The following FAM149A variants were observed in gnomAD, a reference collection of about 807,000 sequenced individuals.
FAM149A encodes protein FAM149A.
Under a neutral mutation model 78.2 loss-of-function variants are expected in FAM149A, and 71 were observed. The observed-to-expected ratio is 0.91, with a 90% CI of 0.75 to 1.11. FAM149A has a LOEUF of 1.11. Among genes scored for constraint, FAM149A ranks in the 50% least tolerant of loss-of-function variants. The pLI, the probability that FAM149A is intolerant of heterozygous loss-of-function variation, is 0.00. For missense variants in FAM149A, 1,036 were observed against 971.0 expected (o/e 1.07, Z -0.89); for synonymous variants, 446 against 410.5 (o/e 1.09, Z -1.04).
chr4:186,154,762 T>G lies in FAM149A; in HGVS notation c.1229+124T>G. On this transcript the variant is annotated intron_variant, in intron 6 of 13. Transcript: ENST00000389354. ...TACTCACCCAAAAGATTTCTGTTCTTTTGAGAGTAATGTACTCCCCAGAGC... is the reference window on the plus strand; with the variant it reads ...TACTCACCCAAAAGATTTCTGTTCTGTTGAGAGTAATGTACTCCCCAGAGC... 3 of 1,437,024 alleles carry G rather than the reference T, an allele frequency of 2.1e-6. No homozygotes were observed. The South Asian group carries it at 4.6e-5, about 22-fold the overall frequency. 89.0% of individuals were successfully genotyped at this position (1,437,024 alleles called of 1,614,324 possible).
chr4:186,164,625 T>A lies in FAM149A; in HGVS notation c.1890-719T>A, dbSNP rs369786688. The A allele has an allele frequency of 7.6e-5, 26 of 339,898 alleles. No individual in the cohort carries two copies. The East Asian group carries it at 1.3e-3, about 17-fold the overall frequency. 21.1% of individuals were successfully genotyped at this position (339,898 alleles called of 1,614,324 possible). A position where few individuals can be genotyped will look rare whatever the true frequency, so the allele number is the denominator to read the frequency against. ...ATCCCTCTCCCTCCTCCGCCTCGCTTCCCCCCATGCCAGTCAGCAGCACAC... is the reference window on the plus strand; with the variant it reads ...ATCCCTCTCCCTCCTCCGCCTCGCTACCCCCCATGCCAGTCAGCAGCACAC... On this transcript the variant is annotated intron_variant, in intron 10 of 13. Transcript: ENST00000389354. This position sits in a 1 kb window ranked among gnomAD's most constrained non-coding sequence, Gnocchi z 4.0.
At chr4:186,125,829 A>T in intron 1 of FAM149A, 2 of 985,398 alleles carry the variant, frequency 2.0e-6, no homozygotes, top group South Asian at 4.7e-5. Flanking sequence ...CCAAAAAGAA[A>T]TACGAGGTAG....
In FAM149A at chr4:186,105,192, C is replaced by CG. The variant is rs2099308265; in HGVS notation, c.122dup (p.Ser42LeufsTer59). 1.6e-6 allele frequency: 2 copies of CG among 1,272,528 alleles called. No homozygotes were observed. Among genetic ancestry groups the CG allele is most frequent in the African/African-American group, 3.2e-5 (2 of 63,098 alleles). 78.8% of individuals were successfully genotyped at this position (1,272,528 alleles called of 1,614,324 possible). A position where few individuals can be genotyped will look rare whatever the true frequency, so the allele number is the denominator to read the frequency against. On this transcript the variant is annotated frameshift_variant, in exon 1 of 14. Coordinates refer to ENST00000389354, the MANE Select transcript of FAM149A (RefSeq NM_001367768.3). LOFTEE classifies it high-confidence loss of function. Reference sequence around the variant, plus strand: ...TCGGGAGGTGCTGCCGCTGCAGGGTCGGGGGGCTCCAGGGCGGGCACCCCG... The same window carrying CG: ...TCGGGAGGTGCTGCCGCTGCAGGGTCGGGGGGGCTCCAGGGCGGGCACCCCG...
Position 186,110,308 on chromosome 4 carries a change from GT to G in FAM149A, c.566+4668del, listed in dbSNP as rs1246687662. 2.6e-4 allele frequency: 252 copies of G among 982,686 alleles called. 1 individual carries two copies. In the African/African-American group the frequency reaches 4.2e-3, roughly 16 times the overall value. 60.9% of individuals were successfully genotyped at this position (982,686 alleles called of 1,614,324 possible). On this transcript the variant is annotated intron_variant, in intron 1 of 13. Coordinates refer to ENST00000389354, the MANE Select transcript of FAM149A (RefSeq NM_001367768.3). The stretch of plus-strand genomic sequence containing the variant: ...TTTCATCGTCTTGAGTTTTTCCAAA[GT>G]TAGTAATGCTTGCTGCTGGGACTTA...
At chr4:186,128,136 G>A (rs2099319192) in intron 1 of FAM149A, among the ~76,000 whole-genome samples, 1 of 151,480 alleles carries the variant, frequency 6.6e-6, no homozygotes, top group East Asian at 1.9e-4. Context: ...GGTGACAGGT[G>A]CATGCCACCA....
chr4:186,153,582 A>C, intron 4 of FAM149A, 63 bp from the exon 5 acceptor site: 1 of 1,569,384 alleles, frequency 6.4e-7, no homozygotes, highest in Non-Finnish European at 8.7e-7. Flanking sequence ...CTACTTTTAA[A>C]ATCTCCAAAC....
chr4:186,157,614 G>T lies in FAM149A; in HGVS notation c.1470G>T (p.Pro490=), dbSNP rs145828447. ...TGAAAGTGGCTGGAAACAGATTTCC[G>T]CACGTCCTCGTTCCACACGCTCACG... Residue 490 remains proline, a synonymous_variant, in exon 8 of 14, where the codon CCG becomes CCT. Coordinates refer to ENST00000389354, the MANE Select transcript of FAM149A (RefSeq NM_001367768.3). 3 of 1,614,118 alleles carry T rather than the reference G, an allele frequency of 1.9e-6. No individual in the cohort carries two copies. Among genetic ancestry groups the T allele is most frequent in the African/African-American group, 2.7e-5 (2 of 75,056 alleles).
At chr4:186,163,281 G>A in intron 9 of FAM149A, 143 bp from the exon 10 acceptor site, 1 of 649,516 alleles carries the variant, frequency 1.5e-6, no homozygotes, top group Non-Finnish European at 2.7e-6. Context: ...GAAATGATGG[G>A]TCTTTTCATT....
chr4:186,110,009 A>G (rs1355420258), intron 1 of FAM149A: 1 of 985,458 alleles, frequency 1.0e-6, no homozygotes, highest in Non-Finnish European at 1.2e-6. Context: ...AGCATCACAA[A>G]TCATACATTT....
chr4:186,129,196 CAT>C (rs1491408760), intron 1 of FAM149A, among the ~76,000 whole-genome samples: 4 of 150,664 alleles, frequency 2.7e-5, no homozygotes, highest in Non-Finnish European at 4.4e-5. Flanking sequence ...TATGAGTGTG[CAT>C]GTGTGTGTGT....
At chr4:186,158,460 A>T in intron 8 of FAM149A, 1 of 1,134,700 alleles carries the variant, frequency 8.8e-7, no homozygotes, top group South Asian at 2.1e-5. Flanking sequence ...AGGAACACCC[A>T]TGGGAGTCCA....
In FAM149A at chr4:186,133,080, TC is replaced by T. The variant is rs2099321427; in HGVS notation, c.567-16090del. On this transcript the variant is annotated intron_variant, in intron 1 of 13. Transcript: ENST00000389354. The stretch of plus-strand genomic sequence containing the variant: ...CTTCTGACTCAACACTGCCCCCTCC[TC>T]CCTAGGCATTCACTGGTGGGTAAAG... 11 of 985,366 alleles carry T rather than the reference TC, an allele frequency of 1.1e-5. No individual in the cohort carries two copies. In the South Asian group the frequency reaches 3.3e-4, roughly 29 times the overall value. 61.0% of individuals were successfully genotyped at this position (985,366 alleles called of 1,614,324 possible). A position where few individuals can be genotyped will look rare whatever the true frequency, so the allele number is the denominator to read the frequency against.
intron 13 of FAM149A, among the ~76,000 whole-genome samples, chr4:186,167,879 C>T (rs1391070093): frequency 2.6e-5 from 4 of 152,110 alleles, no homozygotes; most frequent in African/African-American, 9.7e-5. Flanking sequence ...CTAGGAATGT[C>T]CCAACCTCTC....
chr4:186,127,069 A>G, intron 1 of FAM149A: 1 of 985,372 alleles, frequency 1.0e-6, no homozygotes, highest in Non-Finnish European at 1.2e-6. Context: ...CACAGGCAGA[A>G]GTAGTGTCTG....
intron 8 of FAM149A, chr4:186,158,931 C>A: frequency 2.4e-6 from 1 of 416,390 alleles, no homozygotes; most frequent in Non-Finnish European, 3.2e-6. Flanking sequence ...CAATGATATT[C>A]GGGTCTGTTT....
intron 1 of FAM149A, chr4:186,118,362 C>A: frequency 2.6e-6 from 1 of 391,194 alleles, no homozygotes; most frequent in Non-Finnish European, 3.5e-6. Flanking sequence ...GTCCATGAAG[C>A]GGTAAGTGCA....
intron 8 of FAM149A, among the ~76,000 whole-genome samples, chr4:186,161,407 A>G (rs1734597307): frequency 6.6e-6 from 1 of 152,200 alleles, no homozygotes; most frequent in Non-Finnish European, 1.5e-5. Flanking sequence ...AGCGTCTCAG[A>G]GGCTTGTTTC....
chr4:186,130,263 A>C (rs964432625), intron 1 of FAM149A: 6 of 67,112 alleles, frequency 8.9e-5, no homozygotes, highest in Admixed American at 3.8e-4. Context: ...ACTTTATGAA[A>C]TCTCTCTCTC....
chr4:186,147,259 T>G (rs1450554179), intron 1 of FAM149A, among the ~76,000 whole-genome samples: 3 of 152,186 alleles, frequency 2.0e-5, no homozygotes, highest in Admixed American at 1.3e-4. Context: ...GGTAGACACC[T>G]GTAGTCCCAG....
Sources: gnomAD v4.1 joint callset for allele counts (sites outside exome capture counted in the v4.1 genomes callset) on GRCh38, gnomAD v4.1.1 for gene constraint, Gnocchi (gnomAD v3.1) non-coding constraint, MANE v1.5 for transcripts, NCBI Gene and HGNC (gene_info 2026-07-23, HGNC 2026-07-21) for gene names.